ZNF804A: variants seen among roughly 807,000 people sequenced by gnomAD.
ZNF804A encodes the protein zinc finger protein 804A.
A neutral mutation model predicts 16.5 loss-of-function variants in ZNF804A; 2 were observed. That is an observed-to-expected ratio of 0.12 (90% CI 0.05 to 0.38). ZNF804A has a LOEUF of 0.38. Among genes scored for constraint, ZNF804A ranks in the 10% least tolerant of loss-of-function variants. The pLI is 0.99. For synonymous variants in ZNF804A, 534 were observed against 489.6 expected, an observed-to-expected ratio of 1.09 and a Z score of -1.20; for missense variants, 1,473 against 1,390.7, an observed-to-expected ratio of 1.06 and a Z score of -0.94.
intron 1 of ZNF804A, among the ~76,000 whole-genome samples, chr2:184,762,813 G>A (rs561255634): frequency 4.6e-5 from 7 of 151,976 alleles, no homozygotes; most frequent in South Asian, 2.1e-4. Flanking sequence ...CAATATTGCC[G>A]TTATTTCTAA....
intron 1 of ZNF804A, among the ~76,000 whole-genome samples, chr2:184,624,057 G>A (rs1018660499): frequency 2.0e-5 from 3 of 152,124 alleles, no homozygotes; most frequent in African/African-American, 7.2e-5. Flanking sequence ...AAGCATGTCA[G>A]AATTCCTCAT....
At chr2:184,676,299 T>C (rs16826136) in intron 1 of ZNF804A, among the ~76,000 whole-genome samples, 1,558 of 151,500 alleles carry the variant, frequency 0.01, 27 homozygotes, top group African/African-American at 0.036. Flanking sequence ...GCTTCACTTT[T>C]TTTTTTCCAA....
chr2:184,837,374 G>A lies in ZNF804A; in HGVS notation c.112-28995G>A, dbSNP rs115920279. The stretch of plus-strand genomic sequence containing the variant: ...TAGCGTTAATTTTACTTATTTTAAT[G>A]TTTGCTATAGTAACATTAGATATGA... On this transcript the variant is annotated intron_variant, in intron 1 of 3. Coordinates refer to ENST00000302277, the MANE Select transcript of ZNF804A (RefSeq NM_194250.2). Among the ~76,000 whole-genome samples the A allele has an allele frequency of 2.0e-3, 310 of 152,104 alleles. 1 individual carries two copies. The highest frequency in any genetic ancestry group is 7.1e-3 in the African/African-American group (294 of 41,534).
At chr2:184,882,519 A>C (rs1467365421) in intron 2 of ZNF804A, among the ~76,000 whole-genome samples, 1 of 152,038 alleles carries the variant, frequency 6.6e-6, no homozygotes, top group Non-Finnish European at 1.5e-5. Context: ...TCTCATTTTC[A>C]CATGGCACAT....
intron 1 of ZNF804A, among the ~76,000 whole-genome samples, chr2:184,825,107 G>A (rs1025907952): frequency 2.5e-4 from 38 of 152,048 alleles, no homozygotes; most frequent in Admixed American, 5.9e-4. Flanking sequence ...TTTTATGAAC[G>A]AAATTTATGA....
At chr2:184,651,578 A>G (rs1691984286) in intron 1 of ZNF804A, among the ~76,000 whole-genome samples, 1 of 152,014 alleles carries the variant, frequency 6.6e-6, no homozygotes, top group African/African-American at 2.4e-5. Context: ...CTATAAGGAA[A>G]CTAAACATTT....
chr2:184,858,986 C>T (rs1695748607), intron 1 of ZNF804A, among the ~76,000 whole-genome samples: 2 of 152,284 alleles, frequency 1.3e-5, no homozygotes, highest in South Asian at 4.1e-4. Context: ...ATCCCACTGG[C>T]TCCTGGCCTG....
chr2:184,632,063 A>G (rs962357976), intron 1 of ZNF804A, among the ~76,000 whole-genome samples: 3 of 152,170 alleles, frequency 2.0e-5, no homozygotes, highest in Non-Finnish European at 4.4e-5. Context: ...GGAATGTCAG[A>G]CTTGATAAAA....
intron 1 of ZNF804A, among the ~76,000 whole-genome samples, chr2:184,670,027 T>C (rs767731333): frequency 2.6e-5 from 4 of 152,166 alleles, no homozygotes; most frequent in Non-Finnish European, 5.9e-5. Flanking sequence ...ACTAAGTTTT[T>C]AATGATAGCT....
At chr2:184,921,855 T>C (rs1240857379) in intron 2 of ZNF804A, among the ~76,000 whole-genome samples, 1 of 152,056 alleles carries the variant, frequency 6.6e-6, no homozygotes, top group Non-Finnish European at 1.5e-5. Flanking sequence ...CATAGATAAG[T>C]GAGAATGTGT....
chr2:184,684,659 T>C (rs910152533), intron 1 of ZNF804A, among the ~76,000 whole-genome samples: 1 of 152,218 alleles, frequency 6.6e-6, no homozygotes, highest in African/African-American at 2.4e-5. Context: ...TTTTGGGATA[T>C]GGATCCCATC....
chr2:184,727,480 T>C (rs1422805936), intron 1 of ZNF804A, among the ~76,000 whole-genome samples: 4 of 151,662 alleles, frequency 2.6e-5, no homozygotes, highest in African/African-American at 9.7e-5. Flanking sequence ...TGCCTCATTA[T>C]TTTTCTACTA....
intron 1 of ZNF804A, among the ~76,000 whole-genome samples, chr2:184,638,390 T>C (rs1199889945): frequency 6.6e-6 from 1 of 152,152 alleles, no homozygotes. Flanking sequence ...ATAGACAATT[T>C]TCAAAGACTG....
At chr2:184,770,374 C>T (rs1694191385) in intron 1 of ZNF804A, among the ~76,000 whole-genome samples, 1 of 151,906 alleles carries the variant, frequency 6.6e-6, no homozygotes, top group Non-Finnish European at 1.5e-5. Flanking sequence ...TGTGTTATAA[C>T]GTTTTCATAA....
chr2:184,886,962 T>A (rs1684901318), intron 2 of ZNF804A, among the ~76,000 whole-genome samples: 2 of 152,252 alleles, frequency 1.3e-5, no homozygotes, highest in Admixed American at 1.3e-4. Context: ...TTAAACAAAT[T>A]TCTGCAGAAA....
rs554902498 is a variant in ZNF804A at position 184,602,685 on chromosome 2, A to G, written c.111+3615A>G. On this transcript the variant is annotated intron_variant, in intron 1 of 3. Coordinates refer to ENST00000302277, the MANE Select transcript of ZNF804A (RefSeq NM_194250.2). ...TTGGGAAACTTGGAAATCATTACTA[A>G]TTTGTTCATTACATTCTATTATTTG... is the stretch of plus-strand genomic sequence containing the variant. Among the ~76,000 whole-genome samples the G allele has an allele frequency of 4.6e-5, 7 of 152,104 alleles. No individual in the cohort carries two copies. The South Asian group carries it at 1.5e-3, about 32-fold the overall frequency.
At chr2:184,811,659 GC>G (rs1432152523) in intron 1 of ZNF804A, among the ~76,000 whole-genome samples, 5 of 152,074 alleles carry the variant, frequency 3.3e-5, no homozygotes, top group Non-Finnish European at 5.9e-5. Flanking sequence ...ACTGCAATGT[GC>G]AATTATGGCA....
intron 1 of ZNF804A, among the ~76,000 whole-genome samples, chr2:184,781,730 C>T (rs749552721): frequency 6.6e-6 from 1 of 151,742 alleles, no homozygotes; most frequent in East Asian, 1.9e-4. Flanking sequence ...GTAACTTCTA[C>T]TTTTTTGCAT....
chr2:184,641,064 C>T (rs1184065244), intron 1 of ZNF804A, among the ~76,000 whole-genome samples: 1 of 152,174 alleles, frequency 6.6e-6, no homozygotes, highest in Non-Finnish European at 1.5e-5. Context: ...AAGCAATTCT[C>T]CTGCCTCAGC....
Sources: gnomAD v4.1 joint callset for allele counts (sites outside exome capture counted in the v4.1 genomes callset) on GRCh38, gnomAD v4.1.1 for gene constraint, MANE v1.5 for transcripts, NCBI Gene and HGNC (gene_info 2026-07-23, HGNC 2026-07-21) for gene names.